Variants in MTA2 observed in about 807,000 individuals in gnomAD.
The protein encoded by MTA2 is metastasis associated 1 family member 2.
In MTA2, 22 loss-of-function variants were observed where a neutral mutation model predicts 87.1. The ratio of observed to expected loss-of-function variants is 0.25; its 90% CI spans 0.18 to 0.36. The LOEUF (loss-of-function observed/expected upper bound fraction) is 0.36. Ranked by LOEUF, MTA2 falls within the 10% of genes least tolerant of loss-of-function variation. The pLI is 1.00. For missense variants in MTA2, 542 were observed against 853.2 expected (o/e 0.64, Z 4.54); for synonymous variants, 314 against 310.1 (o/e 1.01, Z -0.13).
In MTA2 at chr11:62,593,628, C is replaced by A. The variant is rs965771202; in HGVS notation, c.*247G>T. On this transcript the variant is annotated 3_prime_UTR_variant, in exon 18 of 18. Coordinates refer to ENST00000278823, the MANE Select transcript of MTA2 (RefSeq NM_004739.4). ...CAAGACATCTGTGGGTCCTACCCCC[C>A]AAAACAGGCTAGGTTCCCACATGGG... The A allele has an allele frequency of 3.5e-5, 17 of 480,048 alleles. No individual in the cohort carries two copies. Among genetic ancestry groups the A allele is most frequent in the African/African-American group, 2.8e-4 (14 of 50,014 alleles). 29.7% of individuals were successfully genotyped at this position (480,048 alleles called of 1,614,324 possible). A position where few individuals can be genotyped will look rare whatever the true frequency, so the allele number is the denominator to read the frequency against.
intron 1 of MTA2, 161 bp downstream of exon 1, chr11:62,601,262 C>T: frequency 1.1e-6 from 1 of 907,760 alleles, no homozygotes; most frequent in Non-Finnish European, 1.7e-6. Context: ...CGTCGCGGTT[C>T]CCCGCACCCT....
Position 62,593,843 on chromosome 11 carries a change from C to T in MTA2, c.*32G>A. 1 of 1,613,342 alleles carries T rather than the reference C, an allele frequency of 6.2e-7. No homozygotes were observed. Among genetic ancestry groups the T allele is most frequent in the Non-Finnish European group, 8.5e-7 (1 of 1,179,622 alleles). ...GGGTGCCCTGGGCATCCACCCTCTA[C>T]CTCTCAGCCCACCTCCCTTCCCCAC... is the stretch of plus-strand genomic sequence containing the variant. On this transcript the variant is annotated 3_prime_UTR_variant, in exon 18 of 18. Transcript: ENST00000278823.
Position 62,593,584 on chromosome 11 carries a change from C to A in MTA2, c.*291G>T. ...GCAAAATTTTTAAAAAATTAAAAAA[C>A]CCTCCCCCCAAAACTGTCCAAGACA... On this transcript the variant is annotated 3_prime_UTR_variant, in exon 18 of 18. Coordinates refer to ENST00000278823, the MANE Select transcript of MTA2 (RefSeq NM_004739.4). 3.8e-6 allele frequency: 1 copy of A among 261,378 alleles called. No individual in the cohort carries two copies. Among genetic ancestry groups the A allele is most frequent in the Non-Finnish European group, 7.3e-6 (1 of 137,678 alleles). The allele number at this position is 261,378 out of a possible 1,614,324, so 16.2% of individuals were successfully genotyped here.
At chr11:62,596,197 G>A (rs1942095937) in intron 11 of MTA2, 82 bp downstream of exon 11, 1 of 1,591,932 alleles carries the variant, frequency 6.3e-7, no homozygotes, top group Non-Finnish European at 8.6e-7. Context: ...CCTACCTCCT[G>A]CCCACCCCCA....
At chr11:62,598,794 CCTT>C (rs1267019151) in intron 3 of MTA2, among the ~76,000 whole-genome samples, 155 bp from the exon 4 acceptor site, 2 of 152,204 alleles carry the variant, frequency 1.3e-5, no homozygotes, top group Non-Finnish European at 2.9e-5. Flanking sequence ...CACCAGCTTT[CCTT>C]CTTAGCTCTA....
At chr11:62,594,223 T>G (rs1263238193) in intron 17 of MTA2, 36 bp downstream of exon 17, 2 of 1,613,250 alleles carry the variant, frequency 1.2e-6, no homozygotes, top group Non-Finnish European at 1.7e-6. Flanking sequence ...CAGCCTGGAC[T>G]GTCCCTCTCA....
intron 15 of MTA2, 100 bp from the exon 16 acceptor site, chr11:62,594,734 C>A: frequency 8.7e-7 from 1 of 1,144,066 alleles, no homozygotes; most frequent in Non-Finnish European, 1.3e-6. Flanking sequence ...CCTGGGCATC[C>A]CCAAAAGTAG....
Position 62,597,983 on chromosome 11 carries a change from T to TA in MTA2, c.490+40dup, listed in dbSNP as rs1565045131. On this transcript the variant is annotated intron_variant, in intron 6 of 17. Coordinates refer to ENST00000278823, the MANE Select transcript of MTA2 (RefSeq NM_004739.4). ...ATAATGTTAAAGTGCCCCTTGGAAT[T>TA]AGACAACCTGGTAGCCGTACAGTCT... is the stretch of plus-strand genomic sequence containing the variant. 5.8e-6 allele frequency: 9 copies of TA among 1,554,444 alleles called. No homozygotes were observed. The African/African-American group carries it at 9.5e-5, about 16-fold the overall frequency.
chr11:62,596,400 T>C (rs781500394), intron 10 of MTA2, 58 bp downstream of exon 10: 11 of 1,612,934 alleles, frequency 6.8e-6, no homozygotes, highest in Non-Finnish European at 8.5e-6. Context: ...TGTCATCAAC[T>C]TCAAAGGCAG....
At chr11:62,594,234 G>T (rs1942064994) in intron 17 of MTA2, 25 bp downstream of exon 17, 1 of 1,613,608 alleles carries the variant, frequency 6.2e-7, no homozygotes, top group African/African-American at 1.3e-5. Flanking sequence ...GTCCCTCTCA[G>T]CCCCTCCCAT....
chr11:62,596,794 C>T lies in MTA2; in HGVS notation c.725G>A (p.Gly242Asp). The change falls in exon 9 of 18, where the codon GGC becomes GAC. Residue 242 changes from glycine to aspartate, a missense_variant. Gly to Asp is a moderately conservative substitution (Grantham distance 94). Transcript: ENST00000278823. The part of the protein sequence containing the change: ...FHAMDTLQRN[G>D]YDLAKAMSTL... ...CGACATGGCCTTAGCCAGGTCGTAGCCGTTCCTTTGCAAGGTATCCATGGC... is the reference window on the plus strand; with the variant it reads ...CGACATGGCCTTAGCCAGGTCGTAGTCGTTCCTTTGCAAGGTATCCATGGC... 1 of 1,609,852 alleles carries T rather than the reference C, an allele frequency of 6.2e-7. No individual in the cohort carries two copies. Among genetic ancestry groups the T allele is most frequent in the Non-Finnish European group, 8.5e-7 (1 of 1,178,388 alleles).
rs745463072 is a variant in MTA2 at position 62,596,494 on chromosome 11, A to G, written c.921T>C (p.Tyr307=). ...WKSLASIVQF[Y]YMWKTTDRYI... Reference sequence around the variant, plus strand: ...ACCGGTCTGTGGTTTTCCACATGTAATAAAACTGGACTATGCTGGCAAGTG... The same window carrying G: ...ACCGGTCTGTGGTTTTCCACATGTAGTAAAACTGGACTATGCTGGCAAGTG... The change falls in exon 10 of 18, where the codon TAT becomes TAC. Residue 307 remains tyrosine (Y), a synonymous_variant. Transcript: ENST00000278823. 1 of 1,614,094 alleles carries G rather than the reference A, an allele frequency of 6.2e-7. No individual in the cohort carries two copies. The highest frequency in any genetic ancestry group is 8.5e-7 in the Non-Finnish European group (1 of 1,179,996).
chr11:62,596,332 C>T lies in MTA2; in HGVS notation c.963G>A (p.Arg321=). 6.2e-7 allele frequency: 1 copy of T among 1,614,118 alleles called. No individual in the cohort carries two copies. Among genetic ancestry groups the T allele is most frequent in the Non-Finnish European group, 8.5e-7 (1 of 1,180,014 alleles). The change falls in exon 11 of 18, where the codon AGG becomes AGA. Residue 321 remains arginine, a synonymous_variant. Transcript: ENST00000278823. ...TGCTGTCTGCTTCAGCAGCTTTCAA[C>T]CTTTTCTGTAAGAAGGTAAAAAGAA... ...KTTDRYIQQK[R]LKAAEADSKL... is the part of the protein sequence containing the mutation.
chr11:62,594,116 A>C, intron 17 of MTA2, 76 bp from the exon 18 acceptor site: 2 of 1,550,402 alleles, frequency 1.3e-6, no homozygotes, highest in Middle Eastern at 1.8e-4. Flanking sequence ...CCCACACTGC[A>C]ATTATGCCTT....
chr11:62,600,294 T>G lies in MTA2; in HGVS notation c.97-35A>C, dbSNP rs11231158. 295 of 1,568,024 alleles carry G rather than the reference T, an allele frequency of 1.9e-4. 2 individuals carry two copies. The African/African-American group carries it at 3.7e-3, about 20-fold the overall frequency. ...GGAAAAAAACAAAAACAAAACAACG[T>G]AGCAGTGGAAATTGATCATCTGGGA... On this transcript the variant is annotated intron_variant, in intron 2 of 17. Coordinates refer to ENST00000278823, the MANE Select transcript of MTA2 (RefSeq NM_004739.4).
chr11:62,601,040 C>T, intron 1 of MTA2: 1 of 492,316 alleles, frequency 2.0e-6, no homozygotes, highest in Non-Finnish European at 3.6e-6. Context: ...AATCGAGGCG[C>T]ACAATAACGC....
At chr11:62,594,171 T>C (rs1364823490) in intron 17 of MTA2, 88 bp downstream of exon 17, 5 of 1,576,682 alleles carry the variant, frequency 3.2e-6, no homozygotes, top group Non-Finnish European at 4.3e-6. Flanking sequence ...TCCACAACTT[T>C]CCTGGAGCTC....
At chr11:62,598,491 G>A (rs374967544) in intron 4 of MTA2, 31 bp downstream of exon 4, 21 of 1,607,066 alleles carry the variant, frequency 1.3e-5, no homozygotes, top group African/African-American at 6.7e-5. Context: ...GTAAGTGCAC[G>A]CAGGCTATGC....
chr11:62,595,968 C>T lies in MTA2; in HGVS notation c.1114+42G>A. 6.2e-7 allele frequency: 1 copy of T among 1,613,954 alleles called. No individual in the cohort carries two copies. The highest frequency in any genetic ancestry group is 8.5e-7 in the Non-Finnish European group (1 of 1,179,878). ...CCTCAGATTCTTGAGCCACAGCAGG[C>T]CTTCCACCCATCCCCACCATCCCAG... On this transcript the variant is annotated intron_variant, in intron 12 of 17. Coordinates refer to ENST00000278823, the MANE Select transcript of MTA2 (RefSeq NM_004739.4). The surrounding 1 kb of genome is among the most constrained non-coding windows in gnomAD (Gnocchi z 4.9).
Sources: gnomAD v4.1 joint callset for allele counts (sites outside exome capture counted in the v4.1 genomes callset) on GRCh38, gnomAD v4.1.1 for gene constraint, Gnocchi (gnomAD v3.1) non-coding constraint, MANE v1.5 for transcripts, NCBI Gene and HGNC (gene_info 2026-07-23, HGNC 2026-07-21) for gene names.